Variants in MEIKIN observed in about 807,000 individuals in gnomAD.
MEIKIN encodes meiosis-specific kinetochore protein.
intron 9 of MEIKIN, among the ~76,000 whole-genome samples, chr5:131,864,914 T>G (rs1051440918): frequency 1.3e-5 from 2 of 152,220 alleles, no homozygotes; most frequent in Non-Finnish European, 1.5e-5. Flanking sequence ...TTCTTGTTAA[T>G]TTTTTCTTTA....
At chr5:131,884,814 T>TG (rs1750750802) in intron 8 of MEIKIN, among the ~76,000 whole-genome samples, 1 of 150,192 alleles carries the variant, frequency 6.7e-6, no homozygotes, top group Non-Finnish European at 1.5e-5. Flanking sequence ...CCCTGAAGGG[T>TG]GAGTCCCAGG....
chr5:131,824,526 C>A (rs1749577298), intron 11 of MEIKIN, among the ~76,000 whole-genome samples: 1 of 150,936 alleles, frequency 6.6e-6, no homozygotes, highest in Non-Finnish European at 1.5e-5. Flanking sequence ...TGTCTTAAAA[C>A]AAAACAAAAC....
intron 11 of MEIKIN, among the ~76,000 whole-genome samples, chr5:131,841,482 T>A (rs1749913707): frequency 6.6e-6 from 1 of 152,222 alleles, no homozygotes; most frequent in Admixed American, 6.5e-5. Context: ...GTTACACAGG[T>A]ATAGACTACT....
chr5:131,830,366 C>T (rs1468786169), intron 11 of MEIKIN, among the ~76,000 whole-genome samples: 2 of 152,272 alleles, frequency 1.3e-5, no homozygotes, highest in South Asian at 4.1e-4. Context: ...CACTGCACTC[C>T]AGCCTGGGCA....
chr5:131,879,139 CAAAAT>C (rs1750662617), intron 8 of MEIKIN, 91 bp from the exon 9 acceptor site: 1 of 394,108 alleles, frequency 2.5e-6, no homozygotes, highest in South Asian at 1.3e-4. Context: ...TTTGACAAAA[CAAAAT>C]AATATTTGTA....
chr5:131,858,168 G>C (rs1750228300), intron 9 of MEIKIN, among the ~76,000 whole-genome samples: 2 of 152,320 alleles, frequency 1.3e-5, no homozygotes, highest in Admixed American at 1.3e-4. Flanking sequence ...CTTAGAGTTA[G>C]AGCAGTCAAA....
chr5:131,895,197 T>C (rs761335295), intron 8 of MEIKIN, among the ~76,000 whole-genome samples: 1 of 152,198 alleles, frequency 6.6e-6, no homozygotes, highest in Non-Finnish European at 1.5e-5. Context: ...CGTTTATTGA[T>C]TTGCATTTGT....
chr5:131,838,717 A>G (rs1426806312), intron 11 of MEIKIN, among the ~76,000 whole-genome samples: 2 of 151,692 alleles, frequency 1.3e-5, no homozygotes, highest in South Asian at 2.1e-4. Context: ...GTCACTTCCA[A>G]TTGTGTTTAT....
At chr5:131,939,509 T>A (rs1272254519) in intron 4 of MEIKIN, among the ~76,000 whole-genome samples, 1 of 152,222 alleles carries the variant, frequency 6.6e-6, no homozygotes, top group Non-Finnish European at 1.5e-5. Flanking sequence ...TTTTATGCCT[T>A]TATTGATATT....
intron 11 of MEIKIN, among the ~76,000 whole-genome samples, chr5:131,822,934 ATTTTT>A (rs70974019): frequency 1.4e-3 from 167 of 116,892 alleles, no homozygotes; most frequent in Middle Eastern, 4.2e-3. Flanking sequence ...TGCTTAAAGG[ATTTTT>A]TTTTTTTTTT....
At chr5:131,857,089 T>C (rs1016302111) in intron 9 of MEIKIN, among the ~76,000 whole-genome samples, 44 of 152,192 alleles carry the variant, frequency 2.9e-4, no homozygotes, top group African/African-American at 1.0e-3. Context: ...AGCAGACCTA[T>C]AGTGGGAAGA....
At chr5:131,891,554 G>C (rs565397867) in intron 8 of MEIKIN, among the ~76,000 whole-genome samples, 1 of 151,850 alleles carries the variant, frequency 6.6e-6, no homozygotes, top group East Asian at 1.9e-4. Context: ...GCCTTTTTTT[G>C]TTTTCCATTT....
At chr5:131,915,149 T>C (rs1751397809) in intron 7 of MEIKIN, among the ~76,000 whole-genome samples, 1 of 152,102 alleles carries the variant, frequency 6.6e-6, no homozygotes, top group African/African-American at 2.4e-5. Context: ...AGGTGTTCTG[T>C]GGTGAAGTGA....
At chr5:131,878,296 G>C (rs1420431981) in intron 9 of MEIKIN, among the ~76,000 whole-genome samples, 1 of 152,154 alleles carries the variant, frequency 6.6e-6, no homozygotes, top group Admixed American at 6.6e-5. Context: ...GGCTGGGCGC[G>C]GTGGCTCACG....
chr5:131,933,881 A>G (rs1751729272), intron 4 of MEIKIN, among the ~76,000 whole-genome samples: 1 of 152,084 alleles, frequency 6.6e-6, no homozygotes, highest in Non-Finnish European at 1.5e-5. Flanking sequence ...TGTTTTTCAA[A>G]GTTTTACAAC....
At chr5:131,893,186 G>T (rs894830774) in intron 8 of MEIKIN, among the ~76,000 whole-genome samples, 2 of 152,246 alleles carry the variant, frequency 1.3e-5, no homozygotes, top group African/African-American at 4.8e-5. Flanking sequence ...CCTGTCCCCA[G>T]AGGTGGAGCC....
At chr5:131,812,669 G>T (rs1237436113) in intron 12 of MEIKIN, among the ~76,000 whole-genome samples, 2 of 151,902 alleles carry the variant, frequency 1.3e-5, no homozygotes, top group Non-Finnish European at 2.9e-5. Context: ...TTGAAGGGAG[G>T]CCCAGAACAA....
chr5:131,864,547 A>G (rs982571808), intron 9 of MEIKIN, among the ~76,000 whole-genome samples: 1 of 152,212 alleles, frequency 6.6e-6, no homozygotes, highest in Non-Finnish European at 1.5e-5. Flanking sequence ...AATATATCAT[A>G]TCATTCTTTC....
intron 10 of MEIKIN, among the ~76,000 whole-genome samples, chr5:131,852,354 T>C (rs967512521): frequency 1.3e-5 from 2 of 152,166 alleles, no homozygotes; most frequent in Non-Finnish European, 2.9e-5. Context: ...TCCACCATGA[T>C]TGTAAGTTTC....
Sources: allele counts gnomAD v4.1 joint callset (sites outside exome capture counted in the v4.1 genomes callset), GRCh38; gene constraint gnomAD v4.1.1; transcripts MANE v1.5; gene names NCBI Gene and HGNC (gene_info 2026-07-23, HGNC 2026-07-21).